GLIPR1L2: variants seen among roughly 807,000 people sequenced by gnomAD.
The protein encoded by GLIPR1L2 is GLIPR1 like 2.
In GLIPR1L2, 21 loss-of-function variants were observed where a neutral mutation model predicts 28.4. The ratio of observed to expected loss-of-function variants is 0.74; its 90% CI spans 0.52 to 1.06. GLIPR1L2 has a LOEUF of 1.06. GLIPR1L2 is among the 50% of genes least tolerant of loss of function. The probability of loss-of-function intolerance (pLI) is 0.00; values close to 1 mark genes in which losing one functional copy is unlikely to be tolerated. For synonymous variants in GLIPR1L2, 145 were observed against 139.3 expected (o/e 1.04, Z -0.29); for missense variants, 476 against 416.9 (o/e 1.14, Z -1.23).
chr12:75,397,503 A>G (rs1046221954), intron 1 of GLIPR1L2, among the ~76,000 whole-genome samples: 1 of 152,146 alleles, frequency 6.6e-6, no homozygotes, highest in Non-Finnish European at 1.5e-5. Context: ...AAAGAGTCCC[A>G]TATTGTCCAA....
At chr12:75,394,653 A>G (rs948642152) in intron 1 of GLIPR1L2, among the ~76,000 whole-genome samples, 1 of 151,234 alleles carries the variant, frequency 6.6e-6, no homozygotes, top group Admixed American at 6.6e-5. Flanking sequence ...GTAAGTAGAA[A>G]TTAGGAAGTG....
intron 4 of GLIPR1L2, among the ~76,000 whole-genome samples, chr12:75,430,440 A>T (rs753000262): frequency 6.5e-4 from 99 of 152,342 alleles, no homozygotes; most frequent in Non-Finnish European, 1.0e-3. Flanking sequence ...GCAGAAGTGG[A>T]GAAATGTATG....
At chr12:75,430,335 C>T (rs955005256) in intron 4 of GLIPR1L2, among the ~76,000 whole-genome samples, 7 of 152,056 alleles carry the variant, frequency 4.6e-5, no homozygotes, top group Admixed American at 1.3e-4. Context: ...GAATAGATTT[C>T]TAAGATTAAT....
intron 1 of GLIPR1L2, among the ~76,000 whole-genome samples, chr12:75,399,334 A>G (rs1336438766): frequency 6.6e-6 from 1 of 152,180 alleles, no homozygotes; most frequent in Admixed American, 6.5e-5. Context: ...AGACTTTTTA[A>G]TAAATTGGTG....
chr12:75,399,214 TAG>T (rs2045713658), intron 1 of GLIPR1L2, among the ~76,000 whole-genome samples: 3 of 152,170 alleles, frequency 2.0e-5, no homozygotes, highest in Non-Finnish European at 4.4e-5. Flanking sequence ...AATACAGTAT[TAG>T]TATGTTAAAA....
In GLIPR1L2 at chr12:75,396,116, C is replaced by A. The variant is rs555041403; in HGVS notation, c.234+4766C>A. On this transcript the variant is annotated intron_variant, in intron 1 of 5. Coordinates refer to ENST00000550916, the MANE Select transcript of GLIPR1L2 (RefSeq NM_001270396.2). The stretch of plus-strand genomic sequence containing the variant: ...CCCAAGGTATTTTCTTTTGTGATTT[C>A]TTTTTTGATTCATTGCTTAAGAGTG... Among the ~76,000 whole-genome samples the A allele has an allele frequency of 1.3e-3, 200 of 152,048 alleles. 2 individuals carry two copies. The highest frequency in any genetic ancestry group is 5.2e-3 in the South Asian group (25 of 4,816).
chr12:75,402,565 T>C (rs142038731), intron 1 of GLIPR1L2, among the ~76,000 whole-genome samples: 6 of 152,354 alleles, frequency 3.9e-5, no homozygotes, highest in African/African-American at 1.2e-4. Flanking sequence ...CTCAGTCACA[T>C]TGTGTACAAC....
Position 75,431,357 on chromosome 12 carries a change from A to G in GLIPR1L2, c.*196A>G, listed in dbSNP as rs2046091633. ...TTTAAATTTGTAAAACAAAGAAACAAAAAACATGTAAGGTGGGCTCTTTGA... is the reference window on the plus strand; with the variant it reads ...TTTAAATTTGTAAAACAAAGAAACAGAAAACATGTAAGGTGGGCTCTTTGA... On this transcript the variant is annotated 3_prime_UTR_variant, in exon 6 of 6. Transcript: ENST00000550916. 1 of 465,196 alleles carries G rather than the reference A, an allele frequency of 2.1e-6. No homozygotes were observed. The highest frequency in any genetic ancestry group is 3.8e-5 in the Admixed American group (1 of 26,006). 28.8% of individuals were successfully genotyped at this position (465,196 alleles called of 1,614,324 possible).
chr12:75,418,713 A>C lies in GLIPR1L2; in HGVS notation c.585-4191A>C, dbSNP rs1448664232. ...AAAGTAGTTTTTTCCAGTTCTGTGA[A>C]GAAAGTCAGTAGTAGCTTGATGGGG... is the stretch of plus-strand genomic sequence containing the variant. On this transcript the variant is annotated intron_variant, in intron 3 of 5. Transcript: ENST00000550916. Among the ~76,000 whole-genome samples the C allele has an allele frequency of 3.3e-5, 5 of 152,316 alleles. No individual in the cohort carries two copies. The East Asian group carries it at 9.6e-4, about 29-fold the overall frequency.
intron 2 of GLIPR1L2, among the ~76,000 whole-genome samples, chr12:75,411,825 G>A (rs1211137288): frequency 6.6e-6 from 1 of 151,828 alleles, no homozygotes; most frequent in African/African-American, 2.4e-5. Flanking sequence ...AAACAAGAAT[G>A]GTTCCTCTTT....
chr12:75,394,763 C>CAAAAA (rs71078727), intron 1 of GLIPR1L2, among the ~76,000 whole-genome samples: 65 of 80,250 alleles, frequency 8.1e-4, no homozygotes, highest in African/African-American at 2.7e-3. Flanking sequence ...TGTATTTCTG[C>CAAAAA]AAAAAAAAAA....
chr12:75,405,926 A>AT (rs2045793776), intron 1 of GLIPR1L2, among the ~76,000 whole-genome samples: 1 of 151,744 alleles, frequency 6.6e-6, no homozygotes, highest in East Asian at 1.9e-4. Context: ...CTAGAATTTG[A>AT]TTTTTTCTCT....
intron 1 of GLIPR1L2, among the ~76,000 whole-genome samples, chr12:75,397,222 A>G (rs145486177): frequency 1.2e-3 from 180 of 151,978 alleles, no homozygotes; most frequent in Non-Finnish European, 1.9e-3. Flanking sequence ...TTTATGATAT[A>G]TTTAACTGGC....
intron 1 of GLIPR1L2, among the ~76,000 whole-genome samples, chr12:75,398,328 C>CAAAAAAAAAAAA (rs71078729): frequency 2.3e-5 from 2 of 87,936 alleles, no homozygotes; most frequent in African/African-American, 4.8e-5. Context: ...GACTCCATCT[C>CAAAAAAAAAAAA]AAAAAAAAAA....
At chr12:75,418,010 T>C (rs2045940068) in intron 3 of GLIPR1L2, among the ~76,000 whole-genome samples, 1 of 152,100 alleles carries the variant, frequency 6.6e-6, no homozygotes. Context: ...GAAAATAACT[T>C]TTATTTTTAG....
rs769060228 is a variant in GLIPR1L2 at position 75,422,922 on chromosome 12, A to G, written c.603A>G (p.Arg201=). The change falls in exon 4 of 6, where the codon AGA becomes AGG. Residue 201 remains arginine, a synonymous_variant. Transcript: ENST00000550916. ...TTTGTAGAGGAACACTGACGAGAAG[A>G]CCTTATGAACCAGGAATATTTTGTA... ...NYAPGGTLTR[R]PYEPGIFCTR... The G allele has an allele frequency of 6.2e-7, 1 of 1,610,208 alleles. No individual in the cohort carries two copies. Among genetic ancestry groups the G allele is most frequent in the Non-Finnish European group, 8.5e-7 (1 of 1,179,028 alleles).
At chr12:75,427,785 TAA>T (rs1378360079) in intron 4 of GLIPR1L2, among the ~76,000 whole-genome samples, 1 of 152,208 alleles carries the variant, frequency 6.6e-6, no homozygotes, top group Non-Finnish European at 1.5e-5. Context: ...TCTGATGGTT[TAA>T]AGTGTTTGGC....
At chr12:75,422,864 G>A (rs770564917) in intron 3 of GLIPR1L2, 40 bp from the exon 4 acceptor site, 2 of 1,509,572 alleles carry the variant, frequency 1.3e-6, no homozygotes, top group Non-Finnish European at 1.8e-6. Flanking sequence ...AAAAATGGAA[G>A]CTTATTCTAA....
intron 2 of GLIPR1L2, among the ~76,000 whole-genome samples, chr12:75,412,683 A>T (rs1391070344): frequency 2.0e-5 from 3 of 151,788 alleles, no homozygotes; most frequent in Non-Finnish European, 4.4e-5. Flanking sequence ...ATCATTAAAA[A>T]GTCAGGAAAC....
Sources: gnomAD v4.1 joint callset for allele counts (sites outside exome capture counted in the v4.1 genomes callset) on GRCh38, gnomAD v4.1.1 for gene constraint, MANE v1.5 for transcripts, NCBI Gene and HGNC (gene_info 2026-07-23, HGNC 2026-07-21) for gene names.